Variants in SATB1 observed in about 807,000 individuals in gnomAD.
SATB1 encodes SATB homeobox 1.
A neutral mutation model predicts 86.9 loss-of-function variants in SATB1; 11 were observed. The observed-to-expected ratio is 0.13, with a 90% CI of 0.08 to 0.21. The LOEUF (loss-of-function observed/expected upper bound fraction) is 0.21. SATB1 is among the 10% of genes least tolerant of loss of function. SATB1 has a pLI of 1.00. For synonymous variants in SATB1, 357 were observed against 357.2 expected (o/e 1.00, Z 0.01); for missense variants, 551 against 937.6 (o/e 0.59, Z 5.39).
upstream of SATB1, among the ~76,000 whole-genome samples, chr3:18,428,459 A>G (rs1698783020): frequency 6.6e-6 from 1 of 152,216 alleles, no homozygotes; most frequent in African/African-American, 2.4e-5. Flanking sequence ...AGTTTTGGAG[A>G]GGACAAGTAT....
Position 18,352,039 on chromosome 3 carries a change from C to T in SATB1, c.1732G>A (p.Gly578Ser), listed in dbSNP as rs1343608992. The T allele has an allele frequency of 1.2e-6, 2 of 1,614,098 alleles. No individual in the cohort carries two copies. The highest frequency in any genetic ancestry group is 1.6e-4 in the Middle Eastern group (1 of 6,084). ...EQESNAVHHH[G>S]DRPPHIIHVP... Reference sequence around the variant, plus strand: ...TGGATAATGTGGGGCGGCCTGTCGCCATGGTGATGCACCGCGTTGCTCTCC... The same window carrying T: ...TGGATAATGTGGGGCGGCCTGTCGCTATGGTGATGCACCGCGTTGCTCTCC... The change falls in exon 10 of 11, where the codon GGC (glycine) becomes AGC (serine). Residue 578 changes from glycine to serine, a missense_variant. Gly to Ser is a moderately conservative substitution (Grantham distance 56, BLOSUM62 0). Around this residue, in one of 8 missense-constraint regions of SATB1, gnomAD observed 87 missense variants for 103.6 expected, o/e 0.84. Coordinates refer to ENST00000338745, the MANE Select transcript of SATB1 (RefSeq NM_002971.6). This position sits in a 1 kb window ranked among gnomAD's most constrained non-coding sequence, Gnocchi z 4.1.
chr3:18,425,911 C>G (rs1698681154), upstream of SATB1, among the ~76,000 whole-genome samples: 1 of 151,768 alleles, frequency 6.6e-6, no homozygotes, highest in Non-Finnish European at 1.5e-5. Flanking sequence ...GAAAACTAAC[C>G]AACCACCCAC....
At chr3:18,417,909 C>A (rs1698200932) in intron 2 of SATB1, among the ~76,000 whole-genome samples, 1 of 152,020 alleles carries the variant, frequency 6.6e-6, no homozygotes, top group South Asian at 2.1e-4. Context: ...ATATTTTAAT[C>A]CAATACAGTA....
At chr3:18,408,181 AGAT>A (rs1697643217) in intron 5 of SATB1, among the ~76,000 whole-genome samples, 2 of 152,052 alleles carry the variant, frequency 1.3e-5, no homozygotes, top group Non-Finnish European at 2.9e-5. Context: ...TAAGAGAGAA[AGAT>A]GATGACTAAA....
chr3:18,439,751 T>C (rs999099396), upstream of SATB1, among the ~76,000 whole-genome samples: 6 of 152,208 alleles, frequency 3.9e-5, no homozygotes, highest in African/African-American at 1.4e-4. Flanking sequence ...TTTTAGATAA[T>C]TTAAGTGAAA....
chr3:18,428,810 T>C (rs1199705865), upstream of SATB1, among the ~76,000 whole-genome samples: 3 of 152,212 alleles, frequency 2.0e-5, no homozygotes, highest in South Asian at 6.2e-4. Context: ...CAGATGGCAA[T>C]GTATTAAGAT....
intron 5 of SATB1, among the ~76,000 whole-genome samples, chr3:18,398,893 A>G (rs771908996): frequency 6.6e-5 from 10 of 152,124 alleles, no homozygotes; most frequent in Admixed American, 1.3e-4. Flanking sequence ...CCAAAACCAG[A>G]GCCAGAAGAT....
In SATB1 at chr3:18,348,486, C is replaced by T; in HGVS notation, c.*684G>A. On this transcript the variant is annotated 3_prime_UTR_variant, in exon 11 of 11. Transcript: ENST00000338745. ...AAAAATTAATTACAACATGATGCTG[C>T]AGGATCTACAAATAAATAATGAGGA... 6.6e-6 allele frequency: 1 copy of T among 152,434 alleles called. No homozygotes were observed. The highest frequency in any genetic ancestry group is 3.2e-3 in the Middle Eastern group (1 of 316). The allele number at this position is 152,434 out of a possible 1,614,324, so 9.4% of individuals were successfully genotyped here.
At chr3:18,385,819 T>A (rs1267862281) in intron 8 of SATB1, among the ~76,000 whole-genome samples, 5 of 152,066 alleles carry the variant, frequency 3.3e-5, no homozygotes, top group Non-Finnish European at 5.9e-5. Context: ...CAACTTTCTT[T>A]CCTAAAAAGT....
chr3:18,402,026 C>A (rs1327515833), intron 5 of SATB1, among the ~76,000 whole-genome samples: 1 of 152,048 alleles, frequency 6.6e-6, no homozygotes, highest in African/African-American at 2.4e-5. Context: ...ACATTCTGAA[C>A]CTTTGCTCTA....
chr3:18,410,438 C>T (rs562458193), intron 5 of SATB1, among the ~76,000 whole-genome samples: 55 of 152,106 alleles, frequency 3.6e-4, no homozygotes, highest in African/African-American at 1.1e-3. Context: ...TAGCCATGGA[C>T]GCTCACTCAT....
intron 9 of SATB1, among the ~76,000 whole-genome samples, chr3:18,365,083 A>C (rs1482809461): frequency 6.6e-6 from 1 of 152,114 alleles, no homozygotes; most frequent in Non-Finnish European, 1.5e-5. Context: ...TATATATTTC[A>C]GTTCTGAATG....
chr3:18,414,760 GGGA>G (rs1698031526), intron 5 of SATB1, among the ~76,000 whole-genome samples: 1 of 152,030 alleles, frequency 6.6e-6, no homozygotes, highest in Non-Finnish European at 1.5e-5. Flanking sequence ...GAAGCTTCGT[GGGA>G]GTAGTACCAC....
intron 8 of SATB1, among the ~76,000 whole-genome samples, chr3:18,380,798 A>T (rs1696013768): frequency 6.6e-6 from 1 of 152,198 alleles, no homozygotes; most frequent in South Asian, 2.1e-4. Flanking sequence ...TGAAAGCTGA[A>T]TTTTTCCCCA....
At chr3:18,378,350 G>A in intron 8 of SATB1, 25 bp from the exon 9 acceptor site, 1 of 1,607,662 alleles carries the variant, frequency 6.2e-7, no homozygotes, top group South Asian at 1.1e-5. Context: ...GAACATGGCT[G>A]TCATTTTTCA....
rs757602275 is a variant in SATB1 at position 18,394,966 on chromosome 3, T to G, written c.752-50A>C. 2.9e-6 allele frequency: 4 copies of G among 1,358,380 alleles called. No individual in the cohort carries two copies. Among genetic ancestry groups the G allele is most frequent in the Non-Finnish European group, 4.0e-6 (4 of 1,004,660 alleles). The allele number at this position is 1,358,380 out of a possible 1,614,324, so 84.1% of individuals were successfully genotyped here. On this transcript the variant is annotated intron_variant, in intron 6 of 10. Transcript: ENST00000338745. This position sits in a 1 kb window ranked among gnomAD's most constrained non-coding sequence, Gnocchi z 5.9. ...ACATTCAGCCAACAATGATTGGCAT[T>G]GATAAAGATTTCTAACCATTTCCTA... is the stretch of plus-strand genomic sequence containing the variant.
chr3:18,353,580 G>A (rs918570499), intron 9 of SATB1, among the ~76,000 whole-genome samples: 4 of 152,016 alleles, frequency 2.6e-5, no homozygotes, highest in African/African-American at 9.7e-5. Context: ...AGCCAAGGAG[G>A]GTTTTGTTTC....
chr3:18,422,990 G>C (rs1218753553), intron 1 of SATB1, among the ~76,000 whole-genome samples: 1 of 152,074 alleles, frequency 6.6e-6, no homozygotes, highest in Non-Finnish European at 1.5e-5. Context: ...ACTAAGTCGT[G>C]GTGTAAAAAG....
rs917037944 is a variant in SATB1, at chr3:18,346,369, T to C, written c.*2801A>G. 2.0e-5 allele frequency: 3 copies of C among 152,094 alleles called. No homozygotes were observed. The highest frequency in any genetic ancestry group is 7.2e-5 in the African/African-American group (3 of 41,420). The allele number at this position is 152,094 out of a possible 1,614,324, so 9.4% of individuals were successfully genotyped here. Reference sequence around the variant, plus strand: ...ACAAAACGCTATGTCATGCCCAGCTTTTAAAAGTCTCTGAAATACTTGGAC... The same window carrying C: ...ACAAAACGCTATGTCATGCCCAGCTCTTAAAAGTCTCTGAAATACTTGGAC... On this transcript the variant is annotated 3_prime_UTR_variant, in exon 11 of 11. Transcript: ENST00000338745.
Sources: gnomAD v4.1 joint callset for allele counts (sites outside exome capture counted in the v4.1 genomes callset) on GRCh38, gnomAD v4.1.1 for gene constraint, gnomAD v4.1.1 regional missense constraint, Gnocchi (gnomAD v3.1) non-coding constraint, MANE v1.5 for transcripts, NCBI Gene and HGNC (gene_info 2026-07-23, HGNC 2026-07-21) for gene names.